The following MAP2K4 variants were observed in gnomAD, a reference collection of about 807,000 sequenced individuals.
MAP2K4 encodes mitogen-activated protein kinase kinase 4, also known as dual specificity mitogen-activated protein kinase kinase 4.
MAP2K4 carries 4 observed loss-of-function variants against 48.5 expected under a neutral mutation model. The observed-to-expected ratio is 0.08, with a 90% CI of 0.04 to 0.19. MAP2K4 has a LOEUF of 0.19. Ranked by LOEUF, MAP2K4 falls within the 10% of genes least tolerant of loss-of-function variation. The probability of loss-of-function intolerance (pLI) is 1.00; values close to 1 mark genes in which losing one functional copy is unlikely to be tolerated. For synonymous variants in MAP2K4, 166 were observed against 173.1 expected, an observed-to-expected ratio of 0.96 and a Z score of 0.32; for missense variants, 258 against 493.3, an observed-to-expected ratio of 0.52 and a Z score of 4.52.
chr17:12,052,396 T>C (rs1970169821), intron 1 of MAP2K4, among the ~76,000 whole-genome samples: 1 of 152,214 alleles, frequency 6.6e-6, no homozygotes, highest in South Asian at 2.1e-4. Flanking sequence ...TTAGTTTTTA[T>C]TTAAATGTGA....
At position 12,039,421 on chromosome 17, in the gene MAP2K4, ATAGAG is replaced by A. The variant is rs577594945; in HGVS notation, c.116-15464_116-15460del. Among the ~76,000 whole-genome samples the A allele has an allele frequency of 3.5e-4, 53 of 152,334 alleles. No individual in the cohort carries two copies. In the South Asian group the frequency reaches 8.1e-3, roughly 23 times the overall value. On this transcript the variant is annotated intron_variant, in intron 1 of 10. Coordinates refer to ENST00000353533, the MANE Select transcript of MAP2K4 (RefSeq NM_003010.4). ...TAGAAAATTTCAAACATACACAAAA[ATAGAG>A]TAGTGTAATGAACCCCCATGTACCC...
intron 4 of MAP2K4, among the ~76,000 whole-genome samples, chr17:12,101,013 T>TTA (rs1216587869): frequency 6.6e-6 from 1 of 152,226 alleles, no homozygotes; most frequent in African/African-American, 2.4e-5. Context: ...GCGCTTATCT[T>TTA]TATATATATC....
At chr17:12,121,672 T>A (rs943137810) in intron 7 of MAP2K4, among the ~76,000 whole-genome samples, 2 of 152,296 alleles carry the variant, frequency 1.3e-5, no homozygotes, top group Admixed American at 6.5e-5. Flanking sequence ...TCTGTGACAT[T>A]GGCGGTTTTG....
intron 1 of MAP2K4, among the ~76,000 whole-genome samples, chr17:12,044,749 C>G (rs1386438597): frequency 6.6e-6 from 1 of 152,220 alleles, no homozygotes; most frequent in Non-Finnish European, 1.5e-5. Flanking sequence ...CTCAGTCCCA[C>G]AAGGCTGCCC....
intron 3 of MAP2K4, among the ~76,000 whole-genome samples, chr17:12,086,589 ACT>A (rs1453569494): frequency 4.6e-5 from 7 of 152,152 alleles, no homozygotes; most frequent in African/African-American, 1.7e-4. Context: ...TGGGAAGCAG[ACT>A]CTACCTGCAG....
chr17:12,023,399 C>T (rs536675635), intron 1 of MAP2K4, among the ~76,000 whole-genome samples: 1 of 152,338 alleles, frequency 6.6e-6, no homozygotes, highest in South Asian at 2.1e-4. Flanking sequence ...TGTACTTCAT[C>T]TGCCAAGGGT....
intron 9 of MAP2K4, among the ~76,000 whole-genome samples, chr17:12,137,764 T>C (rs1237733943): frequency 6.6e-6 from 1 of 152,126 alleles, no homozygotes; most frequent in East Asian, 1.9e-4. Context: ...TGAAGTCTCT[T>C]TATCATGTAG....
At chr17:12,093,651 T>G (rs979020627) in intron 3 of MAP2K4, among the ~76,000 whole-genome samples, 4 of 152,200 alleles carry the variant, frequency 2.6e-5, no homozygotes, top group African/African-American at 9.6e-5. Context: ...TGCCAATATA[T>G]TCATACTAGT....
At chr17:12,137,423 G>A (rs1268382812) in intron 9 of MAP2K4, among the ~76,000 whole-genome samples, 2 of 152,166 alleles carry the variant, frequency 1.3e-5, no homozygotes, top group African/African-American at 2.4e-5. Context: ...AATTAAAACT[G>A]AGGAAGAAAT....
chr17:12,102,657 A>G (rs551810432), intron 4 of MAP2K4, among the ~76,000 whole-genome samples: 6 of 152,102 alleles, frequency 3.9e-5, no homozygotes, highest in African/African-American at 4.8e-5. Flanking sequence ...GAACTTGGCA[A>G]TTTCTTTGTG....
At chr17:12,033,183 T>G (rs530956641) in intron 1 of MAP2K4, among the ~76,000 whole-genome samples, 4 of 152,194 alleles carry the variant, frequency 2.6e-5, no homozygotes, top group African/African-American at 9.6e-5. Context: ...TCAAGTACAG[T>G]TAAAAAAATC....
chr17:12,126,074 G>C (rs1307340056), intron 8 of MAP2K4, among the ~76,000 whole-genome samples: 1 of 152,074 alleles, frequency 6.6e-6, no homozygotes, highest in Non-Finnish European at 1.5e-5. Context: ...GACAGCACTA[G>C]GGGGATGGTG....
intron 2 of MAP2K4, among the ~76,000 whole-genome samples, chr17:12,060,041 GA>G (rs1567638384): frequency 6.6e-6 from 1 of 152,038 alleles, no homozygotes; most frequent in Non-Finnish European, 1.5e-5. Context: ...AGCCACGTGT[GA>G]TGGTGTGCGC....
intron 3 of MAP2K4, among the ~76,000 whole-genome samples, chr17:12,093,355 G>C (rs1316743030): frequency 1.3e-5 from 2 of 152,160 alleles, no homozygotes; most frequent in African/African-American, 4.8e-5. Context: ...TCAGTGTTAG[G>C]TATCAGTAAG....
At chr17:12,026,402 T>C (rs562071361) in intron 1 of MAP2K4, among the ~76,000 whole-genome samples, 1 of 152,260 alleles carries the variant, frequency 6.6e-6, no homozygotes, top group African/African-American at 2.4e-5. Flanking sequence ...TTGTAGTCTC[T>C]AGGAAGTGCA....
intron 9 of MAP2K4, among the ~76,000 whole-genome samples, chr17:12,132,515 A>G (rs1240608508): frequency 1.3e-5 from 2 of 152,124 alleles, no homozygotes; most frequent in Non-Finnish European, 2.9e-5. Flanking sequence ...AGCAAACAAT[A>G]TAAGGTATTG....
At chr17:12,030,188 TAGAC>T (rs1222967812) in intron 1 of MAP2K4, among the ~76,000 whole-genome samples, 1 of 152,184 alleles carries the variant, frequency 6.6e-6, no homozygotes, top group South Asian at 2.1e-4. Context: ...CTTAAAGATT[TAGAC>T]AGACTAACTA....
At chr17:12,141,001 T>C in intron 10 of MAP2K4, 146 bp from the exon 11 acceptor site, 1 of 629,120 alleles carries the variant, frequency 1.6e-6, no homozygotes, top group Non-Finnish European at 2.9e-6. Flanking sequence ...AAGGCTGTAC[T>C]CGCCTCTCTG....
At chr17:12,054,705 A>T (rs576664256) in intron 1 of MAP2K4, among the ~76,000 whole-genome samples, 184 bp from the exon 2 acceptor site, 1 of 152,222 alleles carries the variant, frequency 6.6e-6, no homozygotes, top group East Asian at 1.9e-4. Context: ...AGTTAGTAAC[A>T]ACTTTAGATT....
Sources: allele counts gnomAD v4.1 joint callset (sites outside exome capture counted in the v4.1 genomes callset), GRCh38; gene constraint gnomAD v4.1.1; transcripts MANE v1.5; gene names NCBI Gene and HGNC (gene_info 2026-07-23, HGNC 2026-07-21).